The following METTL15 variants were observed in gnomAD, a reference collection of about 807,000 sequenced individuals.
The protein encoded by METTL15 is methyltransferase 15, mitochondrial 12S rRNA N4-cytidine, also known as 12S rRNA N(4)-cytidine methyltransferase METTL15.
A neutral mutation model predicts 38.3 loss-of-function variants in METTL15; 34 were observed. The observed-to-expected ratio is 0.89, with a 90% CI of 0.68 to 1.18. The LOEUF (loss-of-function observed/expected upper bound fraction) is 1.18. Ranked by LOEUF, METTL15 falls within the 50% of genes most tolerant of loss-of-function variation. The pLI, the probability that METTL15 is intolerant of heterozygous loss-of-function variation, is 0.00. For synonymous variants in METTL15, 162 were observed against 170.9 expected (o/e 0.95, Z 0.41); for missense variants, 438 against 498.4 (o/e 0.88, Z 1.15).
Position 28,382,357 on chromosome 11 carries a change from A to G in METTL15, c.*358+20321A>G, listed in dbSNP as rs368051638. ...TGGCTGTCCTCAGGGATATTTCTCC[A>G]TTTAGGCACTTGTGATGTTTCCTGT... On this transcript the variant is annotated intron_variant and NMD_transcript_variant, in intron 5 of 7. Transcript: ENST00000532947. Among the ~76,000 whole-genome samples the G allele has an allele frequency of 2.3e-3, 353 of 152,238 alleles. 1 individual carries two copies. The highest frequency in any genetic ancestry group is 7.2e-3 in the African/African-American group (301 of 41,526).
intron 6 of METTL15, among the ~76,000 whole-genome samples, chr11:28,309,209 T>A (rs964743364): frequency 6.6e-6 from 1 of 152,236 alleles, no homozygotes; most frequent in Non-Finnish European, 1.5e-5. Flanking sequence ...TACAGTAATA[T>A]CTGGCTTCCA....
chr11:28,428,612 A>G lies in METTL15; in HGVS notation c.*424+4248A>G, dbSNP rs1465535187. ...GACTGGCTTAATTTCTGTAAACCTC[A>G]TAAATGGCTCCCTGAGACAAGCTGG... On this transcript the variant is annotated intron_variant and NMD_transcript_variant, in intron 6 of 7. Transcript: ENST00000532947. Among the ~76,000 whole-genome samples, 43 of 152,204 alleles carry G rather than the reference A, an allele frequency of 2.8e-4. 1 individual carries two copies. Among genetic ancestry groups the G allele is most frequent in the Admixed American group, 2.8e-3 (43 of 15,278 alleles).
chr11:28,440,974 AT>A lies in METTL15; in HGVS notation c.*424+16612del, dbSNP rs1275693745. 2.0e-5 allele frequency among the ~76,000 whole-genome samples: 3 copies of A among 151,598 alleles called. No homozygotes were observed. The East Asian group carries it at 5.8e-4, about 29-fold the overall frequency. On this transcript the variant is annotated intron_variant and NMD_transcript_variant, in intron 6 of 7. Coordinates refer to the METTL15 transcript ENST00000532947. ...ATGTGCTGTTAAGTATAAAATTCACATTGGATTTTGAAGACTGTAGAAACAA... is the reference window on the plus strand; with the variant it reads ...ATGTGCTGTTAAGTATAAAATTCACATGGATTTTGAAGACTGTAGAAACAA...
intron 5 of METTL15, chr11:28,410,709 T>C (rs186801652): frequency 7.2e-5 from 11 of 152,148 alleles, no homozygotes; most frequent in African/African-American, 2.6e-4. Context: ...TAAGATCAGA[T>C]ACAAGACAGG....
At chr11:28,183,843 C>G (rs2133788952) in intron 3 of METTL15, among the ~76,000 whole-genome samples, 1 of 152,154 alleles carries the variant, frequency 6.6e-6, no homozygotes, top group Admixed American at 6.6e-5. Context: ...GTACCAGCTT[C>G]TCTTTGTACC....
At chr11:28,205,847 C>G (rs1852315379) in intron 3 of METTL15, among the ~76,000 whole-genome samples, 1 of 149,904 alleles carries the variant, frequency 6.7e-6, no homozygotes, top group Admixed American at 6.6e-5. Context: ...TTGCATTTCT[C>G]TGATGGCCAG....
chr11:28,243,092 A>G (rs1854368014), intron 4 of METTL15, among the ~76,000 whole-genome samples: 3 of 152,046 alleles, frequency 2.0e-5, no homozygotes, highest in Non-Finnish European at 4.4e-5. Flanking sequence ...AAAAAAAAAA[A>G]AACAGTGTGG....
chr11:28,217,152 G>T (rs560151314), intron 4 of METTL15, among the ~76,000 whole-genome samples: 3 of 152,108 alleles, frequency 2.0e-5, no homozygotes, highest in Non-Finnish European at 4.4e-5. Context: ...CTTCCATAAC[G>T]GTTGAACTAG....
At chr11:28,234,196 C>G (rs534362005) in intron 4 of METTL15, among the ~76,000 whole-genome samples, 16 of 152,158 alleles carry the variant, frequency 1.1e-4, no homozygotes, top group Non-Finnish European at 1.6e-4. Context: ...TCTTAATCCA[C>G]TCTATCATTG....
At chr11:28,235,783 T>C (rs1053505444) in intron 4 of METTL15, among the ~76,000 whole-genome samples, 12 of 152,214 alleles carry the variant, frequency 7.9e-5, no homozygotes, top group African/African-American at 2.7e-4. Flanking sequence ...GTTTTCCCAA[T>C]TGAATACCCT....
At chr11:28,422,168 C>T (rs1193721644) in intron 5 of METTL15, among the ~76,000 whole-genome samples, 3 of 151,656 alleles carry the variant, frequency 2.0e-5, no homozygotes, top group Admixed American at 6.6e-5. Context: ...AACTATAAAA[C>T]ATTGATAAAA....
At chr11:28,119,320 G>A (rs908912914) in intron 3 of METTL15, among the ~76,000 whole-genome samples, 6 of 152,236 alleles carry the variant, frequency 3.9e-5, no homozygotes, top group African/African-American at 1.4e-4. Flanking sequence ...CCACATGGTA[G>A]TTTTGTAATG....
At chr11:28,466,749 G>A (rs1181122292) in intron 6 of METTL15, among the ~76,000 whole-genome samples, 2 of 152,142 alleles carry the variant, frequency 1.3e-5, no homozygotes, top group African/African-American at 2.4e-5. Flanking sequence ...TCTGCCGCAG[G>A]CTAGTTTATC....
intron 5 of METTL15, among the ~76,000 whole-genome samples, chr11:28,392,084 C>T (rs1850515257): frequency 6.6e-6 from 1 of 152,108 alleles, no homozygotes; most frequent in African/African-American, 2.4e-5. Flanking sequence ...GGGCTAATAT[C>T]CAGAATCTAC....
At chr11:28,309,173 T>C (rs1410434311) in intron 6 of METTL15, among the ~76,000 whole-genome samples, 1 of 152,174 alleles carries the variant, frequency 6.6e-6, no homozygotes, top group Non-Finnish European at 1.5e-5. Context: ...ACCAAAATCG[T>C]CTTCTCTTCC....
At chr11:28,189,086 A>C (rs537848173) in intron 3 of METTL15, among the ~76,000 whole-genome samples, 3 of 151,354 alleles carry the variant, frequency 2.0e-5, no homozygotes, top group Non-Finnish European at 4.4e-5. Flanking sequence ...GCAAAAACAT[A>C]TAATATTATA....
At chr11:28,190,994 A>C (rs1214559488) in intron 3 of METTL15, among the ~76,000 whole-genome samples, 2 of 151,274 alleles carry the variant, frequency 1.3e-5, no homozygotes, top group Non-Finnish European at 3.0e-5. Flanking sequence ...TGAGCCTACT[A>C]ATAAGTTTGC....
intron 5 of METTL15, among the ~76,000 whole-genome samples, chr11:28,416,436 C>T (rs1850773147): frequency 6.6e-6 from 1 of 152,202 alleles, no homozygotes; most frequent in African/African-American, 2.4e-5. Flanking sequence ...GGGGCACCAT[C>T]TGGGGCTAGA....
rs1297284738 is a variant in METTL15, at chr11:28,290,412, A to G, written c.599+15A>G. On this transcript the variant is annotated intron_variant, in intron 5 of 6. Transcript: ENST00000407364. Reference sequence around the variant, plus strand: ...GATGGTGGCAGGTGAGTATTCATAAAGCATTTCATCTCACAACAAGAAATC... The same window carrying G: ...GATGGTGGCAGGTGAGTATTCATAAGGCATTTCATCTCACAACAAGAAATC... 6.3e-7 allele frequency: 1 copy of G among 1,589,824 alleles called. No individual in the cohort carries two copies. The highest frequency in any genetic ancestry group is 1.4e-5 in the African/African-American group (1 of 73,992).
Sources: gnomAD v4.1 joint callset for allele counts (sites outside exome capture counted in the v4.1 genomes callset) on GRCh38, gnomAD v4.1.1 for gene constraint, MANE v1.5 for transcripts, NCBI Gene and HGNC (gene_info 2026-07-23, HGNC 2026-07-21) for gene names.